The following EXOC1 variants were observed in gnomAD, a reference collection of about 807,000 sequenced individuals.
The protein encoded by EXOC1 is exocyst complex component 1.
In EXOC1, 67 loss-of-function variants were observed where a neutral mutation model predicts 107.7. That is an observed-to-expected ratio of 0.62 (90% CI 0.51 to 0.76). The LOEUF is 0.76. EXOC1 is among the 30% of genes least tolerant of loss of function. The pLI is 0.00. For missense variants in EXOC1, 833 were observed against 1,055.7 expected (o/e 0.79, Z 2.92); for synonymous variants, 348 against 353.5 (o/e 0.98, Z 0.17).
rs1178655338 is a variant in EXOC1, at chr4:55,870,788, T to C, written c.714T>C (p.Tyr238=). The stretch of plus-strand genomic sequence containing the variant: ...AGATTGAATTGAAACTGAGCAGTTA[T>C]GAGGAAATGCTCCAAAGTGTAAAAG... ...VDQIELKLSS[Y]EEMLQSVKEQ... The change falls in exon 6 of 19, where the codon TAT becomes TAC. Residue 238 remains tyrosine (Y), a synonymous_variant. Coordinates refer to ENST00000381295, the MANE Select transcript of EXOC1 (RefSeq NM_001024924.2). 2.5e-6 allele frequency: 4 copies of C among 1,613,856 alleles called. No individual in the cohort carries two copies. The highest frequency in any genetic ancestry group is 1.3e-5 in the African/African-American group (1 of 75,026).
Position 55,860,396 on chromosome 4 carries a change from C to A in EXOC1, c.125-15C>A, listed in dbSNP as rs749976592. ...GGGTAATATTTCTAATAAAAGTGTG[C>A]GTTTTACTCAACAGTGACAACTGAA... On this transcript the variant is annotated splice_polypyrimidine_tract_variant and intron_variant, in intron 2 of 18. Transcript: ENST00000381295. The A allele has an allele frequency of 5.6e-6, 9 of 1,611,864 alleles. No homozygotes were observed. The highest frequency in any genetic ancestry group is 5.9e-6 in the Non-Finnish European group (7 of 1,178,632).
chr4:55,876,890 A>C (rs1577720940), intron 8 of EXOC1: 1 of 985,254 alleles, frequency 1.0e-6, no homozygotes, highest in South Asian at 4.7e-5. Context: ...ATTTGAAAAC[A>C]TTTATGAAGA....
rs924079327 is a variant in EXOC1, at chr4:55,894,687, A to G, written c.1953+907A>G. Among the ~76,000 whole-genome samples, 5 of 136,322 alleles carry G rather than the reference A, an allele frequency of 3.7e-5. No homozygotes were observed. In the East Asian group the frequency reaches 9.1e-4, roughly 25 times the overall value. 89.4% of individuals were successfully genotyped at this position (136,322 alleles called of 152,430 possible). On this transcript the variant is annotated intron_variant, in intron 15 of 18. Coordinates refer to ENST00000381295, the MANE Select transcript of EXOC1 (RefSeq NM_001024924.2). The stretch of plus-strand genomic sequence containing the variant: ...GCCCAGGCTGGAGTGCAACAGTGCA[A>G]TCTCGGCTCACCGCAACCTCCGCCT...
intron 4 of EXOC1, among the ~76,000 whole-genome samples, chr4:55,867,750 G>A (rs1194118606): frequency 1.3e-5 from 2 of 152,110 alleles, no homozygotes; most frequent in Admixed American, 1.3e-4. Flanking sequence ...CAATGCATGT[G>A]AAATTTTTTT....
chr4:55,861,668 C>G (rs1721486066), intron 3 of EXOC1, among the ~76,000 whole-genome samples: 1 of 152,098 alleles, frequency 6.6e-6, no homozygotes, highest in Admixed American at 6.5e-5. Context: ...CTAAGGAGCA[C>G]CCAATGCTTA....
intron 16 of EXOC1, among the ~76,000 whole-genome samples, chr4:55,898,118 C>T (rs1029361909): frequency 1.9e-4 from 29 of 151,946 alleles, no homozygotes; most frequent in Admixed American, 9.8e-4. Flanking sequence ...ATTAGCCAGA[C>T]GTGGTGGTGT....
chr4:55,878,305 T>C (rs2110349376), intron 9 of EXOC1, among the ~76,000 whole-genome samples: 1 of 152,334 alleles, frequency 6.6e-6, no homozygotes, highest in Non-Finnish European at 1.5e-5. Flanking sequence ...AGCATCAATT[T>C]AGTTAAATGC....
At chr4:55,889,930 C>T (rs963973414) in intron 11 of EXOC1, among the ~76,000 whole-genome samples, 7 of 152,144 alleles carry the variant, frequency 4.6e-5, no homozygotes, top group African/African-American at 1.2e-4. Context: ...TATCACCAGG[C>T]GACTTTATGA....
intron 8 of EXOC1, chr4:55,876,084 T>C (rs1460867367): frequency 8.1e-6 from 8 of 985,040 alleles, no homozygotes; most frequent in Non-Finnish European, 9.6e-6. Flanking sequence ...TTTGGCAACA[T>C]AGAAATAGAT....
intron 14 of EXOC1, 34 bp from the exon 15 acceptor site, chr4:55,893,516 TTA>T: frequency 6.3e-7 from 1 of 1,578,412 alleles, no homozygotes; most frequent in Non-Finnish European, 8.7e-7. Context: ...CTGAAGCTTG[TTA>T]TAACTTTATA....
intron 13 of EXOC1, 66 bp from the exon 14 acceptor site, chr4:55,892,569 T>C: frequency 7.7e-7 from 1 of 1,303,660 alleles, no homozygotes; most frequent in East Asian, 2.3e-5. Context: ...AGCAGGCTTT[T>C]GCTATATCAA....
chr4:55,858,389 C>T lies in EXOC1; in HGVS notation c.66C>T (p.Ser22=). The change falls in exon 2 of 19, where the codon AGC becomes AGT. Residue 22 remains serine (S), a synonymous_variant. Coordinates refer to ENST00000381295, the MANE Select transcript of EXOC1 (RefSeq NM_001024924.2). ...CACCAAATGATGAACGCCTGCTGAG[C>T]ATTGTGAATGTCTGCAAAGCAGGAA... is the stretch of plus-strand genomic sequence containing the variant. ...IFTPNDERLL[S]IVNVCKAGKK... 1 of 1,610,786 alleles carries T rather than the reference C, an allele frequency of 6.2e-7. No homozygotes were observed.
At chr4:55,900,126 C>CAT (rs2109506284) in intron 17 of EXOC1, among the ~76,000 whole-genome samples, 1 of 152,070 alleles carries the variant, frequency 6.6e-6, no homozygotes, top group East Asian at 1.9e-4. Flanking sequence ...TACTAGTATT[C>CAT]TATTATGCAT....
chr4:55,897,773 G>A (rs895631488), intron 16 of EXOC1, among the ~76,000 whole-genome samples: 1 of 151,982 alleles, frequency 6.6e-6, no homozygotes, highest in African/African-American at 2.4e-5. Context: ...GCATCATCAC[G>A]CCTGGCTAAT....
intron 3 of EXOC1, 124 bp from the exon 4 acceptor site, chr4:55,864,103 T>G (rs1426856460): frequency 9.4e-6 from 6 of 637,382 alleles, no homozygotes; most frequent in Non-Finnish European, 1.6e-5. Context: ...TCCTTTCCAG[T>G]TGCTTAGCTG....
intron 3 of EXOC1, among the ~76,000 whole-genome samples, chr4:55,861,045 A>G (rs1186062066): frequency 1.3e-5 from 2 of 152,150 alleles, no homozygotes; most frequent in African/African-American, 4.8e-5. Flanking sequence ...ATAAACTTAC[A>G]CGTTATAGAT....
At chr4:55,896,627 C>A in intron 15 of EXOC1, 90 bp from the exon 16 acceptor site, 1 of 1,028,864 alleles carries the variant, frequency 9.7e-7, no homozygotes, top group Non-Finnish European at 1.4e-6. Context: ...ATGTATATAT[C>A]TATATCTCCA....
At chr4:55,896,983 C>G (rs1443255346) in intron 16 of EXOC1, 83 bp downstream of exon 16, 6 of 1,152,868 alleles carry the variant, frequency 5.2e-6, no homozygotes, top group Non-Finnish European at 7.2e-6. Flanking sequence ...CAGATAGGTT[C>G]ATTATTTTGT....
chr4:55,892,566 T>A, intron 13 of EXOC1, 69 bp from the exon 14 acceptor site: 1 of 1,277,688 alleles, frequency 7.8e-7, no homozygotes, highest in Non-Finnish European at 1.1e-6. Flanking sequence ...CTGAGCAGGC[T>A]TTTGCTATAT....
Sources: gnomAD v4.1 joint callset for allele counts (sites outside exome capture counted in the v4.1 genomes callset) on GRCh38, gnomAD v4.1.1 for gene constraint, MANE v1.5 for transcripts, NCBI Gene and HGNC (gene_info 2026-07-23, HGNC 2026-07-21) for gene names.